Variants in VSIG10L observed in about 807,000 individuals in gnomAD.
VSIG10L encodes V-set and immunoglobulin domain-containing protein 10-like.
Under a neutral mutation model 67.3 loss-of-function variants are expected in VSIG10L, and 63 were observed. That is an observed-to-expected ratio of 0.94 (90% CI 0.76 to 1.15). VSIG10L has a LOEUF of 1.15. VSIG10L is among the 50% of genes most tolerant of loss of function. The probability of loss-of-function intolerance (pLI) is 0.00; values close to 1 mark genes in which losing one functional copy is unlikely to be tolerated. For synonymous variants in VSIG10L, 499 were observed against 524.9 expected, an observed-to-expected ratio of 0.95 and a Z score of 0.67; for missense variants, 1,050 against 1,177.5, an observed-to-expected ratio of 0.89 and a Z score of 1.58.
intron 9 of VSIG10L, 74 bp downstream of exon 9, chr19:51,333,717 C>T: frequency 7.0e-7 from 1 of 1,433,166 alleles, no homozygotes; most frequent in Non-Finnish European, 9.2e-7. Flanking sequence ...TAATTGAGAC[C>T]CTCTCATCTC....
At chr19:51,335,467 G>A (rs1318122091) in intron 7 of VSIG10L, among the ~76,000 whole-genome samples, 7 of 152,166 alleles carry the variant, frequency 4.6e-5, no homozygotes, top group South Asian at 2.1e-4. Flanking sequence ...AAAATGGACC[G>A]AACTTGCTGG....
chr19:51,333,461 G>A (rs1401772633), intron 9 of VSIG10L, among the ~76,000 whole-genome samples: 16 of 151,858 alleles, frequency 1.1e-4, no homozygotes, highest in Admixed American at 2.6e-4. Context: ...CCCAGGAGGC[G>A]GAGGCTGCAG....
Position 51,332,645 on chromosome 19 carries a change from AAG to A in VSIG10L, c.2575-7_2575-6del, listed in dbSNP as rs1568461383. ...CAACTGAACTGGGGTCTGTGCCTGG[AAG>A]AGAGAGGTGGGGTGAGGGGAGAACT... On this transcript the variant is annotated splice_region_variant and splice_polypyrimidine_tract_variant and intron_variant, in intron 9 of 9. Transcript: ENST00000335624. 1 of 1,550,608 alleles carries A rather than the reference AAG, an allele frequency of 6.4e-7. No homozygotes were observed. Among genetic ancestry groups the A allele is most frequent in the South Asian group, 1.2e-5 (1 of 84,012 alleles).
In VSIG10L at chr19:51,340,041, C is replaced by G; in HGVS notation, c.1448G>C (p.Arg483Pro). ...CGCCACTGTAAGGTTGAGCAGCGAG[C>G]GGCGGCGGCGGCCGGTACGCGGGTT... ...AANPRTGRRR[R>P]SLLNLTVADL... Residue 483 changes from arginine to proline, a missense_variant, in exon 4 of 10, where the codon CGC becomes CCC. Coordinates refer to ENST00000335624, the MANE Select transcript of VSIG10L (RefSeq NM_001163922.3). This position sits in a 1 kb window ranked among gnomAD's most constrained non-coding sequence, Gnocchi z 6.3. 2.8e-6 allele frequency: 4 copies of G among 1,418,570 alleles called. No individual in the cohort carries two copies. The highest frequency in any genetic ancestry group is 3.7e-6 in the Non-Finnish European group (4 of 1,086,802). 87.9% of individuals were successfully genotyped at this position (1,418,570 alleles called of 1,614,324 possible). A position where few individuals can be genotyped will look rare whatever the true frequency, so the allele number is the denominator to read the frequency against.
chr19:51,337,117 C>G (rs935386441), intron 7 of VSIG10L, 121 bp downstream of exon 7: 1 of 1,251,128 alleles, frequency 8.0e-7, no homozygotes, highest in African/African-American at 1.5e-5. Flanking sequence ...GAAGAAATTC[C>G]TGTAGTCTCA....
In VSIG10L at chr19:51,334,233, C is replaced by T. The variant is rs147142812; in HGVS notation, c.2377G>A (p.Val793Ile). ...GSLLGLALLA[V>I]LLLLCICCLC... ...CAGCAGATGCAAAGGAGGAGAAGTA[C>T]GGCTAGCAGCGCCAGGCCCAGCAGG... The change falls in exon 8 of 10, where the codon GTA becomes ATA. Residue 793 changes from valine to isoleucine, a missense_variant. Physicochemically the swap from Val to Ile is conservative, Grantham distance 29. This residue lies in a region of VSIG10L where 529 missense variants were observed against 584.9 expected (regional missense o/e 0.90). Transcript: ENST00000335624. The T allele has an allele frequency of 2.2e-3, 3,419 of 1,551,760 alleles. 7 individuals carry two copies. The highest frequency in any genetic ancestry group is 2.6e-3 in the Non-Finnish European group (2,962 of 1,147,024).
At chr19:51,338,578 C>G (rs1255787333) in intron 5 of VSIG10L, among the ~76,000 whole-genome samples, 1 of 152,160 alleles carries the variant, frequency 6.6e-6, no homozygotes, top group Non-Finnish European at 1.5e-5. Flanking sequence ...TCCTCCCGCC[C>G]CCAGCTACCA....
chr19:51,339,156 G>T lies in VSIG10L; in HGVS notation c.1475-14C>A, dbSNP rs1985561803. The T allele has an allele frequency of 1.6e-6, 2 of 1,282,682 alleles. No individual in the cohort carries two copies. The highest frequency in any genetic ancestry group is 6.3e-5 in the East Asian group (2 of 31,754). 79.5% of individuals were successfully genotyped at this position (1,282,682 alleles called of 1,614,324 possible). On this transcript the variant is annotated splice_polypyrimidine_tract_variant and intron_variant, in intron 4 of 9. Transcript: ENST00000335624. ...CGGGGGGCAGGTCTGCGGAGAGAAG[G>T]GAGAGAATGAAGATGGAGTCCCTTT...
chr19:51,339,000 T>C lies in VSIG10L; in HGVS notation c.1617A>G (p.Pro539=). Residue 539 remains proline, a synonymous_variant, in exon 5 of 10, where the codon CCA becomes CCG. Transcript: ENST00000335624. ...QGLPEGIRAG[P]VSSVLLAAVP... Reference sequence around the variant, plus strand: ...CGGCCGCCAGCAGCACAGAGGACACTGGCCCGGCGCGGATGCCTTCGGGGA... The same window carrying C: ...CGGCCGCCAGCAGCACAGAGGACACCGGCCCGGCGCGGATGCCTTCGGGGA... 7.1e-7 allele frequency: 1 copy of C among 1,403,640 alleles called. No individual in the cohort carries two copies. Among genetic ancestry groups the C allele is most frequent in the South Asian group, 1.5e-5 (1 of 65,380 alleles). The allele number at this position is 1,403,640 out of a possible 1,614,324, so 86.9% of individuals were successfully genotyped here.
rs925437462 is a variant in VSIG10L at position 51,338,859 on chromosome 19, A to C, written c.1729+29T>G. On this transcript the variant is annotated intron_variant, in intron 5 of 9. Coordinates refer to ENST00000335624, the MANE Select transcript of VSIG10L (RefSeq NM_001163922.3). Reference sequence around the variant, plus strand: ...GAAAAAGTCTCCCTCCTCCTCGAGAAACAGCAAAAAAGCCCCGCGCCCTCT... The same window carrying C: ...GAAAAAGTCTCCCTCCTCCTCGAGACACAGCAAAAAAGCCCCGCGCCCTCT... 4.4e-6 allele frequency: 6 copies of C among 1,359,602 alleles called. No individual in the cohort carries two copies. The African/African-American group carries it at 9.2e-5, about 21-fold the overall frequency. The allele number at this position is 1,359,602 out of a possible 1,614,324, so 84.2% of individuals were successfully genotyped here.
chr19:51,334,446 C>T, intron 7 of VSIG10L, 142 bp from the exon 8 acceptor site: 1 of 648,140 alleles, frequency 1.5e-6, no homozygotes, highest in Non-Finnish European at 2.6e-6. Flanking sequence ...GAATGTGGGA[C>T]CCCAGCACTC....
Position 51,338,959 on chromosome 19 carries a change from C to CG in VSIG10L, c.1657dup (p.Arg553ProfsTer112). 1.4e-6 allele frequency: 2 copies of CG among 1,418,764 alleles called. No individual in the cohort carries two copies. Among genetic ancestry groups the CG allele is most frequent in the South Asian group, 1.5e-5 (1 of 68,102 alleles). 87.9% of individuals were successfully genotyped at this position (1,418,764 alleles called of 1,614,324 possible). A position where few individuals can be genotyped will look rare whatever the true frequency, so the allele number is the denominator to read the frequency against. The stretch of plus-strand genomic sequence containing the variant: ...GCAGGTGATGGGGACGCCGCTGAGC[C>CG]GGGGGTGGGCGGGGACGGCCGCCAG... On this transcript the variant is annotated frameshift_variant, in exon 5 of 10. Transcript: ENST00000335624. LOFTEE classifies it high-confidence loss of function.
chr19:51,336,587 A>AGAG (rs1419560273), intron 7 of VSIG10L, among the ~76,000 whole-genome samples: 1 of 152,070 alleles, frequency 6.6e-6, no homozygotes, highest in Non-Finnish European at 1.5e-5. Flanking sequence ...AAGAAGAAGA[A>AGAG]GAAGAGACAC....
At position 51,341,814 on chromosome 19, in the gene VSIG10L, G is replaced by A. The variant is rs1324548546; in HGVS notation, c.234C>T (p.Ser78=). ...AACTCAGGGCCTCAGGAAACCAGCT[G>A]GAATCAGAGATTCCAGCAGAGGCTT... The part of the protein sequence containing the change: ...DSKASAGISD[S]SWFPEALSSN... Residue 78 remains serine (S), a synonymous_variant, in exon 2 of 10, where the codon TCC becomes TCT. Transcript: ENST00000335624. 1 of 1,551,404 alleles carries A rather than the reference G, an allele frequency of 6.4e-7. No individual in the cohort carries two copies. Among genetic ancestry groups the A allele is most frequent in the Non-Finnish European group, 8.7e-7 (1 of 1,146,912 alleles).
rs1046109563 is a variant in VSIG10L at position 51,332,532 on chromosome 19, C to G, written c.*79G>C. 3.3e-6 allele frequency: 5 copies of G among 1,519,174 alleles called. No individual in the cohort carries two copies. In the Admixed American group the frequency reaches 7.8e-5, roughly 24 times the overall value. The allele number at this position is 1,519,174 out of a possible 1,614,324, so 94.1% of individuals were successfully genotyped here. Reference sequence around the variant, plus strand: ...GCTGGAGTGAAATAGGAAGTTCTGGCCCAAAACGCCCTGTGCAGGGCAGAC... The same window carrying G: ...GCTGGAGTGAAATAGGAAGTTCTGGGCCAAAACGCCCTGTGCAGGGCAGAC... On this transcript the variant is annotated 3_prime_UTR_variant, in exon 10 of 10. Coordinates refer to ENST00000335624, the MANE Select transcript of VSIG10L (RefSeq NM_001163922.3).
In VSIG10L at chr19:51,337,439, T is replaced by A; in HGVS notation, c.2104A>T (p.Ile702Phe). The change falls in exon 7 of 10, where the codon ATC (isoleucine) becomes TTC (phenylalanine). Residue 702 changes from isoleucine (I) to phenylalanine (F), a missense_variant. This residue lies in a region of VSIG10L where 529 missense variants were observed against 584.9 expected (regional missense o/e 0.90). Coordinates refer to ENST00000335624, the MANE Select transcript of VSIG10L (RefSeq NM_001163922.3). ...ERGALISSFE[I>F]QAWPDGPALG... is the part of the protein sequence containing the mutation. ...GCAGGCCCATCTGGCCATGCCTGGA[T>A]CTCAAAACTGCTGATCAGGGCCCCG... The A allele has an allele frequency of 6.4e-7, 1 of 1,551,668 alleles. No individual in the cohort carries two copies. The highest frequency in any genetic ancestry group is 8.7e-7 in the Non-Finnish European group (1 of 1,146,980).
chr19:51,337,352 G>A lies in VSIG10L; in HGVS notation c.2191C>T (p.Arg731Trp), dbSNP rs530166865. The A allele has an allele frequency of 3.7e-5, 58 of 1,551,534 alleles. 1 individual carries two copies. The highest frequency in any genetic ancestry group is 2.6e-4 in the South Asian group (22 of 84,040). The change falls in exon 7 of 10, where the codon CGG becomes TGG. Residue 731 changes from arginine to tryptophan, a missense_variant. Transcript: ENST00000335624. ...GGTGGAAGGGGCACCACGGCTGACC[G>A]CTCCTGAGGCCCCAGGATGAGCAGG... ...VSLLILGPQERSAVVPLPPRN... is the reference protein window; with the variant it reads ...VSLLILGPQEWSAVVPLPPRN...
At position 51,340,548 on chromosome 19, in the gene VSIG10L, T is replaced by C. The variant is rs1177771343; in HGVS notation, c.1074A>G (p.Ser358=). 2 of 1,535,660 alleles carry C rather than the reference T, an allele frequency of 1.3e-6. No individual in the cohort carries two copies. The highest frequency in any genetic ancestry group is 8.7e-7 in the Non-Finnish European group (1 of 1,146,022). The change falls in exon 3 of 10, where the codon TCA becomes TCG. Residue 358 remains serine (S), a synonymous_variant. Transcript: ENST00000335624. The surrounding 1 kb of genome is among the most constrained non-coding windows in gnomAD (Gnocchi z 6.3). ...GCACGATGAGCAGCTGGTCGCCCTC[T>C]GAGCGCATCCGGGGCGTCTCGGCTC... ...SEGAETPRMR[S]EGDQLLIVRP...
At chr19:51,336,677 G>C (rs962664059) in intron 7 of VSIG10L, among the ~76,000 whole-genome samples, 6 of 151,806 alleles carry the variant, frequency 4.0e-5, no homozygotes, top group Non-Finnish European at 8.8e-5. Context: ...CGCCAAGGAT[G>C]AAACAGCCGC....
Sources: gnomAD v4.1 joint callset for allele counts (sites outside exome capture counted in the v4.1 genomes callset) on GRCh38, gnomAD v4.1.1 for gene constraint, gnomAD v4.1.1 regional missense constraint, Gnocchi (gnomAD v3.1) non-coding constraint, MANE v1.5 for transcripts, NCBI Gene and HGNC (gene_info 2026-07-23, HGNC 2026-07-21) for gene names.